Variants in PPP1R9A observed in about 807,000 individuals in gnomAD.
PPP1R9A encodes the protein neurabin-1.
Under a neutral mutation model 141.9 loss-of-function variants are expected in PPP1R9A, and 59 were observed. That is an observed-to-expected ratio of 0.42 (90% CI 0.34 to 0.52). The LOEUF (loss-of-function observed/expected upper bound fraction) is 0.52. PPP1R9A is among the 20% of genes least tolerant of loss of function. The pLI, the probability that PPP1R9A is intolerant of heterozygous loss-of-function variation, is 0.10. For missense variants in PPP1R9A, 1,444 were observed against 1,611.9 expected (o/e 0.90, Z 1.78); for synonymous variants, 500 against 569.7 (o/e 0.88, Z 1.74).
intron 12 of PPP1R9A, among the ~76,000 whole-genome samples, chr7:95,254,600 G>A (rs1416511783): frequency 1.3e-5 from 2 of 152,204 alleles, no homozygotes; most frequent in Non-Finnish European, 2.9e-5. Flanking sequence ...TGGAGTGGTA[G>A]GATGAGTGGT....
intron 4 of PPP1R9A, among the ~76,000 whole-genome samples, chr7:95,139,283 A>G (rs544037984): frequency 2.0e-5 from 3 of 152,244 alleles, no homozygotes; most frequent in Admixed American, 6.5e-5. Context: ...GAAGCCCTAT[A>G]CTTATAAAAC....
At chr7:95,138,941 G>GT (rs139678468) in intron 4 of PPP1R9A, among the ~76,000 whole-genome samples, 1,593 of 152,154 alleles carry the variant, frequency 0.01, 26 homozygotes, top group African/African-American at 0.037. Context: ...CAGTTTGGAA[G>GT]TTTTTTTTAA....
intron 5 of PPP1R9A, among the ~76,000 whole-genome samples, chr7:95,188,026 A>G (rs1834898648): frequency 6.6e-6 from 1 of 150,394 alleles, no homozygotes; most frequent in Admixed American, 6.6e-5. Flanking sequence ...GTCCATTTGA[A>G]GTCCATTATT....
At chr7:95,276,044 AAAAAT>A (rs1301244209) in intron 16 of PPP1R9A, among the ~76,000 whole-genome samples, 45 of 152,350 alleles carry the variant, frequency 3.0e-4, no homozygotes, top group African/African-American at 1.0e-3. Flanking sequence ...TTAAGAATAG[AAAAAT>A]AAAATCAAAC....
chr7:95,121,350 G>T (rs780243278), intron 4 of PPP1R9A, among the ~76,000 whole-genome samples: 4 of 152,120 alleles, frequency 2.6e-5, no homozygotes, highest in Non-Finnish European at 4.4e-5. Context: ...CAGTAGAGGG[G>T]TCTGGCAGTC....
intron 2 of PPP1R9A, among the ~76,000 whole-genome samples, chr7:95,040,058 A>G (rs1472256118): frequency 2.6e-5 from 4 of 152,204 alleles, no homozygotes; most frequent in African/African-American, 9.6e-5. Context: ...CATCTATCCT[A>G]TAGAGGAACG....
chr7:95,169,633 A>G (rs1019009398), intron 5 of PPP1R9A, among the ~76,000 whole-genome samples: 1 of 151,936 alleles, frequency 6.6e-6, no homozygotes, highest in African/African-American at 2.4e-5. Context: ...AGAAAATGTC[A>G]CTTTTATCCC....
intron 7 of PPP1R9A, among the ~76,000 whole-genome samples, chr7:95,206,560 T>G (rs1246653720): frequency 6.6e-6 from 1 of 152,172 alleles, no homozygotes; most frequent in Non-Finnish European, 1.5e-5. Flanking sequence ...AAGACATTTT[T>G]ATTACCTCAA....
chr7:95,138,467 C>T (rs1447302654), intron 4 of PPP1R9A, among the ~76,000 whole-genome samples: 1 of 152,014 alleles, frequency 6.6e-6, no homozygotes, highest in African/African-American at 2.4e-5. Context: ...TCATATTAAA[C>T]AAAGATTTCT....
intron 2 of PPP1R9A, among the ~76,000 whole-genome samples, chr7:95,066,324 GA>G (rs1186843269): frequency 2.0e-5 from 3 of 152,166 alleles, no homozygotes; most frequent in Non-Finnish European, 4.4e-5. Context: ...CTAACTGTGA[GA>G]AGATAAGTTT....
intron 7 of PPP1R9A, among the ~76,000 whole-genome samples, chr7:95,219,010 T>G (rs1025244023): frequency 3.9e-5 from 6 of 152,146 alleles, no homozygotes; most frequent in Non-Finnish European, 7.4e-5. Flanking sequence ...ATCCTGTCAT[T>G]ATGATGTTAG....
chr7:95,068,342 C>T (rs529272443), intron 2 of PPP1R9A, among the ~76,000 whole-genome samples: 53 of 151,836 alleles, frequency 3.5e-4, no homozygotes, highest in Admixed American at 1.2e-3. Flanking sequence ...TGGTGGCACA[C>T]GCCTGTAGTC....
chr7:94,922,544 C>T (rs377253890), intron 2 of PPP1R9A, among the ~76,000 whole-genome samples: 19 of 151,988 alleles, frequency 1.3e-4, no homozygotes, highest in East Asian at 7.7e-4. Flanking sequence ...AAATTCATTA[C>T]GATAAATGCA....
At chr7:94,979,955 G>A (rs1360277976) in intron 2 of PPP1R9A, among the ~76,000 whole-genome samples, 1 of 151,916 alleles carries the variant, frequency 6.6e-6, no homozygotes, top group East Asian at 1.9e-4. Context: ...TGTAAGGATT[G>A]AAATATTAAG....
chr7:95,213,548 T>C (rs1792604961), intron 7 of PPP1R9A, among the ~76,000 whole-genome samples: 1 of 152,058 alleles, frequency 6.6e-6, no homozygotes, highest in South Asian at 2.1e-4. Flanking sequence ...GGTCTCAAAC[T>C]CCTGACCTCA....
intron 2 of PPP1R9A, among the ~76,000 whole-genome samples, chr7:95,097,840 G>A (rs1343437070): frequency 6.6e-6 from 1 of 152,178 alleles, no homozygotes; most frequent in Non-Finnish European, 1.5e-5. Flanking sequence ...GTCAACCAAA[G>A]AAGCACCGCC....
In PPP1R9A at chr7:94,910,239, A is replaced by C; in HGVS notation, c.126A>C (p.Glu42Asp). Reference protein sequence around the residue: ...STFDKPKSDGEQKTKEGEGSQ... With the variant: ...STFDKPKSDGDQKTKEGEGSQ... ...TTGACAAACCCAAGTCAGATGGGGA[A>C]CAAAAAACAAAAGAAGGTGAGGGCT... The change falls in exon 2 of 20, where the codon GAA becomes GAC. Residue 42 changes from glutamate (E) to aspartate (D), a missense_variant. By Grantham distance (45) the Glu-to-Asp change is conservative (BLOSUM62 2). Coordinates refer to ENST00000433360, the MANE Select transcript of PPP1R9A (RefSeq NM_001166160.2). This position sits in a 1 kb window ranked among gnomAD's most constrained non-coding sequence, Gnocchi z 4.5. 1 of 1,614,124 alleles carries C rather than the reference A, an allele frequency of 6.2e-7. No homozygotes were observed. The highest frequency in any genetic ancestry group is 8.5e-7 in the Non-Finnish European group (1 of 1,180,002).
chr7:95,082,546 C>G (rs1816018485), intron 2 of PPP1R9A, among the ~76,000 whole-genome samples: 1 of 151,738 alleles, frequency 6.6e-6, no homozygotes, highest in Non-Finnish European at 1.5e-5. Context: ...GGGAGACCAG[C>G]CTGGGCAACA....
intron 5 of PPP1R9A, among the ~76,000 whole-genome samples, chr7:95,162,655 G>A (rs780723252): frequency 6.6e-6 from 1 of 152,124 alleles, no homozygotes; most frequent in Non-Finnish European, 1.5e-5. Context: ...TACATCTTGT[G>A]TAAGAAACAT....
Sources: gnomAD v4.1 joint callset for allele counts (sites outside exome capture counted in the v4.1 genomes callset) on GRCh38, gnomAD v4.1.1 for gene constraint, Gnocchi (gnomAD v3.1) non-coding constraint, MANE v1.5 for transcripts, NCBI Gene and HGNC (gene_info 2026-07-23, HGNC 2026-07-21) for gene names.